The following DMXL2 variants were observed in gnomAD, a reference collection of about 807,000 sequenced individuals.
The protein encoded by DMXL2 is dmX-like protein 2.
DMXL2 carries 103 observed loss-of-function variants against 331.1 expected under a neutral mutation model. The observed-to-expected ratio is 0.31, with a 90% CI of 0.27 to 0.37. The LOEUF (loss-of-function observed/expected upper bound fraction) is 0.37. Ranked by LOEUF, DMXL2 falls within the 10% of genes least tolerant of loss-of-function variation. DMXL2 has a pLI of 1.00. For synonymous variants in DMXL2, 1,281 were observed against 1,252.1 expected (o/e 1.02, Z -0.49); for missense variants, 3,171 against 3,642.9 (o/e 0.87, Z 3.33).
intron 1 of DMXL2, among the ~76,000 whole-genome samples, chr15:51,585,942 A>G (rs1267337660): frequency 6.6e-6 from 1 of 152,176 alleles, no homozygotes; most frequent in African/African-American, 2.4e-5. Context: ...CGCCAACTCC[A>G]AGATACATAA....
chr15:51,526,184 G>C (rs1049648450), intron 13 of DMXL2, among the ~76,000 whole-genome samples: 6 of 122,180 alleles, frequency 4.9e-5, no homozygotes, highest in African/African-American at 1.2e-4. Context: ...GGGGGTGGGT[G>C]GGGGGAGAGA....
chr15:51,499,142 A>G lies in DMXL2; in HGVS notation c.4082T>C (p.Val1361Ala), dbSNP rs773204034. The change falls in exon 18 of 44, where the codon GTG becomes GCG. Residue 1361 changes from valine (V) to alanine (A), a missense_variant. Val to Ala is a moderately conservative substitution (Grantham distance 64). Transcript: ENST00000560891. ...AGAGAGAATGGCTTTAGCCCTTCGC[A>G]CTTTCCCTAAATCCATCAATTCTAA... is the stretch of plus-strand genomic sequence containing the variant. ...QLLELMDLGK[V>A]RRAKAILSHL... The G allele has an allele frequency of 7.4e-6, 12 of 1,614,020 alleles. No homozygotes were observed. The highest frequency in any genetic ancestry group is 2.2e-5 in the East Asian group (1 of 44,888).
At chr15:51,621,371 T>C (rs955802194) in intron 1 of DMXL2, among the ~76,000 whole-genome samples, 2 of 152,230 alleles carry the variant, frequency 1.3e-5, no homozygotes, top group African/African-American at 4.8e-5. Flanking sequence ...TTAAAAACAC[T>C]GTTGGAAAGC....
chr15:51,580,557 C>T (rs1043322046), intron 1 of DMXL2, among the ~76,000 whole-genome samples: 3 of 152,168 alleles, frequency 2.0e-5, no homozygotes, highest in Admixed American at 6.5e-5. Context: ...GAGTGTACTG[C>T]TCTTCTAACA....
chr15:51,600,637 T>C (rs1270688108), intron 1 of DMXL2, among the ~76,000 whole-genome samples: 1 of 152,222 alleles, frequency 6.6e-6, no homozygotes, highest in Non-Finnish European at 1.5e-5. Context: ...ATCTCCTCTG[T>C]AGCTCACCTG....
At chr15:51,605,357 T>C (rs1378445389) in intron 1 of DMXL2, among the ~76,000 whole-genome samples, 3 of 151,562 alleles carry the variant, frequency 2.0e-5, no homozygotes, top group East Asian at 2.0e-4. Flanking sequence ...TGTGCCACCA[T>C]GCCTGGCTAA....
At chr15:51,535,822 G>A (rs780909259) in intron 12 of DMXL2, 38 bp from the exon 13 acceptor site, 3 of 1,560,992 alleles carry the variant, frequency 1.9e-6, no homozygotes, top group Non-Finnish European at 1.7e-6. Flanking sequence ...TTCTAAACAT[G>A]TAGTGTATTT....
intron 1 of DMXL2, among the ~76,000 whole-genome samples, chr15:51,621,968 C>A (rs78641072): frequency 0.042 from 6,362 of 152,262 alleles, 352 homozygotes; most frequent in African/African-American, 0.13. Flanking sequence ...TCCAGCAGCT[C>A]CTCGCTGCCC....
intron 37 of DMXL2, 145 bp downstream of exon 37, chr15:51,457,182 AG>A: frequency 1.1e-6 from 1 of 893,620 alleles, no homozygotes; most frequent in Non-Finnish European, 1.6e-6. Context: ...CAAATAAAAA[AG>A]CCACAATAAA....
At chr15:51,621,056 T>C (rs748457487) in intron 1 of DMXL2, among the ~76,000 whole-genome samples, 19 of 152,006 alleles carry the variant, frequency 1.2e-4, no homozygotes, top group Non-Finnish European at 2.5e-4. Flanking sequence ...ACTTCCTATC[T>C]GCACTACTGG....
chr15:51,598,026 G>C (rs1030529525), intron 1 of DMXL2, among the ~76,000 whole-genome samples: 2 of 152,020 alleles, frequency 1.3e-5, no homozygotes, highest in Non-Finnish European at 2.9e-5. Flanking sequence ...CTAGTCCTTT[G>C]TCAAATATAG....
At chr15:51,453,025 G>T (rs1433707721) in intron 41 of DMXL2, among the ~76,000 whole-genome samples, 1 of 152,152 alleles carries the variant, frequency 6.6e-6, no homozygotes. Flanking sequence ...CTTGTAAGTG[G>T]GAGCTAAGCT....
chr15:51,533,570 C>G (rs1238273076), intron 13 of DMXL2, among the ~76,000 whole-genome samples: 1 of 152,174 alleles, frequency 6.6e-6, no homozygotes. Context: ...GACCAAGGAG[C>G]TTAATGTCTA....
chr15:51,471,315 C>T lies in DMXL2; in HGVS notation c.7300G>A (p.Ala2434Thr). ...MLVPGRPVKD[A>T]TPPPVPAERP... is the part of the protein sequence containing the mutation. ...TCTGCAGGCACCGGTGGTGGGGTAG[C>T]ATCTTTTACAGGCCTTCCAGGGACG... The change falls in exon 29 of 44, where the codon GCT becomes ACT. Residue 2434 changes from alanine to threonine, a missense_variant. Physicochemically the swap from Ala to Thr is moderately conservative, Grantham distance 58 (BLOSUM62 0). Around this residue, in one of 7 missense-constraint regions of DMXL2, gnomAD observed 766 missense variants for 940.5 expected, o/e 0.81. Coordinates refer to ENST00000560891, the MANE Select transcript of DMXL2 (RefSeq NM_001378457.1). 1 of 1,614,036 alleles carries T rather than the reference C, an allele frequency of 6.2e-7. No individual in the cohort carries two copies. Among genetic ancestry groups the T allele is most frequent in the Non-Finnish European group, 8.5e-7 (1 of 1,179,952 alleles).
intron 11 of DMXL2, 62 bp downstream of exon 11, chr15:51,537,426 A>G (rs2048347178): frequency 6.8e-7 from 1 of 1,472,620 alleles, no homozygotes; most frequent in Non-Finnish European, 9.1e-7. Flanking sequence ...TAACTCTACA[A>G]AGCATTTATT....
At chr15:51,589,416 G>T (rs1595643403) in intron 1 of DMXL2, among the ~76,000 whole-genome samples, 1 of 152,158 alleles carries the variant, frequency 6.6e-6, no homozygotes, top group Admixed American at 6.5e-5. Flanking sequence ...GGTTTATTGT[G>T]TATCTTAAAA....
intron 1 of DMXL2, among the ~76,000 whole-genome samples, chr15:51,602,783 T>C (rs1225013722): frequency 6.6e-6 from 1 of 152,236 alleles, no homozygotes; most frequent in Non-Finnish European, 1.5e-5. Flanking sequence ...TGGTCAAACC[T>C]TTCCATCTCA....
chr15:51,601,942 A>G (rs951356049), intron 1 of DMXL2, among the ~76,000 whole-genome samples: 3 of 152,218 alleles, frequency 2.0e-5, no homozygotes, highest in Non-Finnish European at 4.4e-5. Flanking sequence ...TTTTACACAT[A>G]TATCATTAGA....
chr15:51,448,971 A>G lies in DMXL2; in HGVS notation c.*13T>C. 2 of 1,612,924 alleles carry G rather than the reference A, an allele frequency of 1.2e-6. No homozygotes were observed. Among genetic ancestry groups the G allele is most frequent in the Non-Finnish European group, 1.7e-6 (2 of 1,179,300 alleles). On this transcript the variant is annotated 3_prime_UTR_variant, in exon 44 of 44. Transcript: ENST00000560891. ...TTTTAACTGAAATGTATATAAAAAT[A>G]AAACCCCAATCTTTATAGAATGTCA...
Sources: gnomAD v4.1 joint callset for allele counts (sites outside exome capture counted in the v4.1 genomes callset) on GRCh38, gnomAD v4.1.1 for gene constraint, gnomAD v4.1.1 regional missense constraint, MANE v1.5 for transcripts, NCBI Gene and HGNC (gene_info 2026-07-23, HGNC 2026-07-21) for gene names.